SLC25A21: variants seen among roughly 807,000 people sequenced by gnomAD.
SLC25A21 encodes the protein solute carrier family 25 member 21.
In SLC25A21, 47 loss-of-function variants were observed where a neutral mutation model predicts 43.8. That is an observed-to-expected ratio of 1.07 (90% CI 0.85 to 1.37). SLC25A21 has a LOEUF of 1.37. Among genes scored for constraint, SLC25A21 ranks in the 40% most tolerant of loss-of-function variants. The pLI is 0.00. For synonymous variants in SLC25A21, 131 were observed against 121.3 expected (o/e 1.08, Z -0.52); for missense variants, 352 against 350.2 (o/e 1.00, Z -0.04).
In SLC25A21 at chr14:36,808,791, A is replaced by G. The variant is rs1231486068; in HGVS notation, c.203+5127T>C. On this transcript the variant is annotated intron_variant, in intron 3 of 9. Transcript: ENST00000331299. ...GTTCATGGTACACTGAAGAAAATAA[A>G]TATTAGTTTTATGTCTTTCTCTACC... is the stretch of plus-strand genomic sequence containing the variant. 3.3e-5 allele frequency: 5 copies of G among 152,198 alleles called. No individual in the cohort carries two copies. In the East Asian group the frequency reaches 9.6e-4, roughly 29 times the overall value. The allele number at this position is 152,198 out of a possible 1,614,324, so 9.4% of individuals were successfully genotyped here.
Position 36,679,616 on chromosome 14 carries a change from A to C in SLC25A21, c.*1042T>G. The C allele has an allele frequency of 3.0e-6, 3 of 985,404 alleles. No homozygotes were observed. The highest frequency in any genetic ancestry group is 3.6e-6 in the Non-Finnish European group (3 of 829,922). The allele number at this position is 985,404 out of a possible 1,614,324, so 61.0% of individuals were successfully genotyped here. On this transcript the variant is annotated 3_prime_UTR_variant, in exon 10 of 10. Transcript: ENST00000331299. ...ATGCTAAGTGTATTTCTTTTTCAGAACATTTCCCCTTCATCATACATATTT... is the reference window on the plus strand; with the variant it reads ...ATGCTAAGTGTATTTCTTTTTCAGACCATTTCCCCTTCATCATACATATTT...
At chr14:37,085,307 T>G (rs1053426794) in intron 1 of SLC25A21, among the ~76,000 whole-genome samples, 1 of 152,188 alleles carries the variant, frequency 6.6e-6, no homozygotes, top group African/African-American at 2.4e-5. Flanking sequence ...GATTATCTGA[T>G]GTTAGATTAT....
chr14:36,958,197 C>T (rs1367477755), intron 1 of SLC25A21, among the ~76,000 whole-genome samples: 1 of 151,968 alleles, frequency 6.6e-6, no homozygotes, highest in East Asian at 1.9e-4. Flanking sequence ...CCTCCATCAT[C>T]CCATAATGCC....
At chr14:36,950,660 T>C (rs1420639181) in intron 1 of SLC25A21, among the ~76,000 whole-genome samples, 2 of 152,148 alleles carry the variant, frequency 1.3e-5, no homozygotes, top group Non-Finnish European at 2.9e-5. Flanking sequence ...ATGCAAACGG[T>C]GAACAGACAT....
chr14:37,118,881 C>T (rs986575557), intron 1 of SLC25A21, among the ~76,000 whole-genome samples: 1 of 152,180 alleles, frequency 6.6e-6, no homozygotes, highest in East Asian at 1.9e-4. Context: ...ATAAGTCTGA[C>T]ACCTACTGGG....
At chr14:36,940,674 G>A (rs1018875470) in intron 1 of SLC25A21, among the ~76,000 whole-genome samples, 5 of 152,090 alleles carry the variant, frequency 3.3e-5, no homozygotes, top group Non-Finnish European at 7.4e-5. Flanking sequence ...TCGTTCTGTG[G>A]TCTGGGTTGA....
chr14:36,822,906 C>G (rs763403258), intron 2 of SLC25A21, among the ~76,000 whole-genome samples: 38 of 152,304 alleles, frequency 2.5e-4, no homozygotes, highest in South Asian at 4.1e-4. Context: ...ATCATTTTGT[C>G]AACCACAGAT....
chr14:36,729,829 T>C (rs1295881202), intron 4 of SLC25A21, among the ~76,000 whole-genome samples: 4 of 152,196 alleles, frequency 2.6e-5, no homozygotes, highest in Non-Finnish European at 5.9e-5. Flanking sequence ...AACTTCCATT[T>C]ACCATGACCA....
intron 3 of SLC25A21, among the ~76,000 whole-genome samples, chr14:36,747,459 G>C (rs1005325550): frequency 6.6e-5 from 10 of 152,172 alleles, no homozygotes; most frequent in African/African-American, 2.4e-4. Context: ...ATTGTTGTTA[G>C]TTGCCTGATT....
intron 1 of SLC25A21, among the ~76,000 whole-genome samples, chr14:36,924,790 A>G (rs1209429590): frequency 6.6e-6 from 1 of 152,208 alleles, no homozygotes; most frequent in African/African-American, 2.4e-5. Context: ...CTATTTATAT[A>G]GCATTTATAC....
At chr14:37,096,552 T>A (rs1284958380) in intron 1 of SLC25A21, among the ~76,000 whole-genome samples, 1 of 152,186 alleles carries the variant, frequency 6.6e-6, no homozygotes, top group African/African-American at 2.4e-5. Context: ...ACTTTGTTCC[T>A]TTTCATTAAT....
At chr14:37,137,809 G>C (rs1415291424) in intron 1 of SLC25A21, among the ~76,000 whole-genome samples, 1 of 152,084 alleles carries the variant, frequency 6.6e-6, no homozygotes, top group Non-Finnish European at 1.5e-5. Context: ...AAAATGTATA[G>C]TCTACTACCA....
At chr14:37,031,844 G>T (rs1961217834) in intron 1 of SLC25A21, among the ~76,000 whole-genome samples, 2 of 152,224 alleles carry the variant, frequency 1.3e-5, no homozygotes, top group African/African-American at 4.8e-5. Context: ...GTTGGGAGAT[G>T]AGCCCAGACT....
intron 1 of SLC25A21, among the ~76,000 whole-genome samples, chr14:37,101,025 T>A (rs930029744): frequency 6.6e-6 from 1 of 152,168 alleles, no homozygotes; most frequent in Non-Finnish European, 1.5e-5. Context: ...AACTAAGAAA[T>A]TAAATAAAAT....
intron 3 of SLC25A21, among the ~76,000 whole-genome samples, chr14:36,789,785 T>TATAATATATTTTATATA: frequency 1.2e-5 from 1 of 81,208 alleles, no homozygotes; most frequent in Admixed American, 2.2e-4. Context: ...ATTTTATATA[T>TATAATATATTTTATATA]TTATATATAA....
intron 2 of SLC25A21, among the ~76,000 whole-genome samples, chr14:36,840,440 C>T (rs1355138574): frequency 6.6e-6 from 1 of 152,172 alleles, no homozygotes; most frequent in East Asian, 1.9e-4. Context: ...TATCTTTTAT[C>T]TACCAAAGGT....
rs1594678574 is a variant in SLC25A21, at chr14:36,898,963, GA to G, written c.71-23960del. On this transcript the variant is annotated intron_variant, in intron 1 of 9. Coordinates refer to ENST00000331299, the MANE Select transcript of SLC25A21 (RefSeq NM_030631.4). Reference sequence around the variant, plus strand: ...TTAACACAAAAACGGTAACTATGTGGAGTAATGTATGTGTCAATTGGCTAGA... The same window carrying G: ...TTAACACAAAAACGGTAACTATGTGGGTAATGTATGTGTCAATTGGCTAGA... Among the ~76,000 whole-genome samples the G allele has an allele frequency of 2.0e-5, 3 of 152,310 alleles. No individual in the cohort carries two copies. The East Asian group carries it at 5.8e-4, about 29-fold the overall frequency.
At chr14:36,943,258 TCAACTCACTG>T (rs1892608082) in intron 1 of SLC25A21, among the ~76,000 whole-genome samples, 1 of 152,122 alleles carries the variant, frequency 6.6e-6, no homozygotes, top group African/African-American at 2.4e-5. Context: ...TGGTGCAATC[TCAACTCACTG>T]CAGCTCTCTG....
At position 36,943,620 on chromosome 14, in the gene SLC25A21, T is replaced by C. The variant is rs1340726705; in HGVS notation, c.71-68616A>G. 1.2e-4 allele frequency among the ~76,000 whole-genome samples: 19 copies of C among 152,166 alleles called. 1 individual carries two copies. The highest frequency in any genetic ancestry group is 1.2e-3 in the Admixed American group (19 of 15,280). On this transcript the variant is annotated intron_variant, in intron 1 of 9. Transcript: ENST00000331299. ...CCTCTGAGTCCCTGCCCTGCTGCTA[T>C]ATGTAAGACCAAGATGAACTGCCCC...
Sources: gnomAD v4.1 joint callset for allele counts (sites outside exome capture counted in the v4.1 genomes callset) on GRCh38, gnomAD v4.1.1 for gene constraint, MANE v1.5 for transcripts, NCBI Gene and HGNC (gene_info 2026-07-23, HGNC 2026-07-21) for gene names.